Variants in SLC24A4 observed in about 807,000 individuals in gnomAD.
SLC24A4 encodes solute carrier family 24 member 4.
SLC24A4 carries 53 observed loss-of-function variants against 79.0 expected under a neutral mutation model. That is an observed-to-expected ratio of 0.67 (90% CI 0.54 to 0.84). The LOEUF (loss-of-function observed/expected upper bound fraction) is 0.84. Ranked by LOEUF, SLC24A4 falls within the 40% of genes least tolerant of loss-of-function variation. The pLI is 0.00. For missense variants in SLC24A4, 731 were observed against 822.0 expected (o/e 0.89, Z 1.35); for synonymous variants, 323 against 323.8 (o/e 1.00, Z 0.03).
intron 2 of SLC24A4, among the ~76,000 whole-genome samples, chr14:92,337,591 C>T (rs552380735): frequency 3.9e-5 from 6 of 152,360 alleles, no homozygotes; most frequent in African/African-American, 1.4e-4. Flanking sequence ...TCCAATCCTG[C>T]TCCTGCCCTT....
intron 10 of SLC24A4, among the ~76,000 whole-genome samples, chr14:92,450,013 T>A (rs1331196569): frequency 6.6e-6 from 1 of 152,240 alleles, no homozygotes; most frequent in Non-Finnish European, 1.5e-5. Context: ...GAGCGTTCAC[T>A]CTAGCCCAGA....
chr14:92,470,069 A>T (rs1031345837), intron 12 of SLC24A4, among the ~76,000 whole-genome samples: 2 of 152,212 alleles, frequency 1.3e-5, no homozygotes, highest in Non-Finnish European at 2.9e-5. Context: ...CGTTAATTAT[A>T]TCTCAATTGC....
chr14:92,352,711 T>C (rs1886961910), intron 2 of SLC24A4, among the ~76,000 whole-genome samples: 1 of 152,102 alleles, frequency 6.6e-6, no homozygotes, highest in South Asian at 2.1e-4. Context: ...CTGCCAAAAG[T>C]GAGGGTGGTG....
chr14:92,362,649 T>C (rs1291847757), intron 2 of SLC24A4, among the ~76,000 whole-genome samples: 1 of 152,170 alleles, frequency 6.6e-6, no homozygotes, highest in Non-Finnish European at 1.5e-5. Flanking sequence ...AAACAAGGGA[T>C]GTGTTTTCTG....
intron 12 of SLC24A4, among the ~76,000 whole-genome samples, chr14:92,480,384 C>A (rs1367137185): frequency 7.0e-6 from 1 of 141,926 alleles, no homozygotes; most frequent in Non-Finnish European, 1.5e-5. Flanking sequence ...AGCTCCACTT[C>A]CCGGGTTCAC....
intron 12 of SLC24A4, among the ~76,000 whole-genome samples, chr14:92,461,293 A>G (rs1893794878): frequency 6.6e-6 from 1 of 152,250 alleles, no homozygotes; most frequent in Admixed American, 6.5e-5. Flanking sequence ...ACAAACAGCT[A>G]CTGGGGACTT....
chr14:92,378,276 T>C (rs970366758), intron 2 of SLC24A4, among the ~76,000 whole-genome samples: 1 of 152,192 alleles, frequency 6.6e-6, no homozygotes, highest in African/African-American at 2.4e-5. Flanking sequence ...CTGAGGGCCA[T>C]GTGCATTATT....
At chr14:92,329,142 G>A (rs1469740598) in intron 2 of SLC24A4, among the ~76,000 whole-genome samples, 1 of 152,204 alleles carries the variant, frequency 6.6e-6, no homozygotes, top group Non-Finnish European at 1.5e-5. Flanking sequence ...ATTAGAGGGT[G>A]CCTTGTCCAG....
chr14:92,414,699 C>A (rs1890888350), intron 2 of SLC24A4, among the ~76,000 whole-genome samples: 4 of 152,310 alleles, frequency 2.6e-5, no homozygotes, highest in African/African-American at 9.6e-5. Flanking sequence ...GTGATCGCAC[C>A]ACCACACTTC....
At chr14:92,361,197 T>C (rs1158901616) in intron 2 of SLC24A4, among the ~76,000 whole-genome samples, 1 of 152,110 alleles carries the variant, frequency 6.6e-6, no homozygotes, top group African/African-American at 2.4e-5. Context: ...TCGAGGATGT[T>C]GACCGATTAT....
chr14:92,369,620 G>A (rs1888037052), intron 2 of SLC24A4, among the ~76,000 whole-genome samples: 1 of 152,208 alleles, frequency 6.6e-6, no homozygotes, highest in South Asian at 2.1e-4. Context: ...GTTGAATCAA[G>A]AATAAATTCG....
intron 16 of SLC24A4, chr14:92,492,733 A>C (rs1021460076): frequency 1.2e-5 from 5 of 405,198 alleles, no homozygotes; most frequent in African/African-American, 1.0e-4. Context: ...CTCAGGGGTT[A>C]ACTTTCCCAA....
intron 2 of SLC24A4, among the ~76,000 whole-genome samples, chr14:92,417,198 A>G (rs1360138250): frequency 6.6e-6 from 1 of 152,180 alleles, no homozygotes; most frequent in Non-Finnish European, 1.5e-5. Flanking sequence ...CATATTCTAC[A>G]TGGCCCCATA....
intron 2 of SLC24A4, among the ~76,000 whole-genome samples, chr14:92,360,705 C>G (rs1303132647): frequency 2.0e-5 from 3 of 152,168 alleles, no homozygotes; most frequent in African/African-American, 7.2e-5. Context: ...CTTAATTGCA[C>G]AAAGAAGAGA....
intron 12 of SLC24A4, among the ~76,000 whole-genome samples, chr14:92,472,511 G>A (rs12590654): frequency 0.35 from 52,836 of 151,892 alleles, 9,330 homozygotes; most frequent in East Asian, 0.48. Flanking sequence ...TTGGTTTTCC[G>A]TTCCTGAGTT....
At chr14:92,324,872 A>G (rs1047434543) in intron 1 of SLC24A4, among the ~76,000 whole-genome samples, 18 of 152,376 alleles carry the variant, frequency 1.2e-4, no homozygotes, top group Admixed American at 7.8e-4. Context: ...GTCAACATCC[A>G]GAGACCATTT....
chr14:92,405,546 G>A (rs188317744), intron 2 of SLC24A4, among the ~76,000 whole-genome samples: 97 of 152,244 alleles, frequency 6.4e-4, no homozygotes, highest in Middle Eastern at 6.8e-3. Flanking sequence ...AAGAAAAGAG[G>A]TTTAGTTGAC....
At chr14:92,388,518 T>C (rs373760793) in intron 2 of SLC24A4, among the ~76,000 whole-genome samples, 1 of 152,222 alleles carries the variant, frequency 6.6e-6, no homozygotes, top group Admixed American at 6.5e-5. Flanking sequence ...ACAGCCTCCT[T>C]GGGTCTGGAC....
chr14:92,451,139 T>G (rs1269797481), intron 10 of SLC24A4: 1 of 152,218 alleles, frequency 6.6e-6, no homozygotes, highest in Non-Finnish European at 1.5e-5. Context: ...TCAGAGGGAA[T>G]GCATTTAGAT....
Sources: allele counts gnomAD v4.1 joint callset (sites outside exome capture counted in the v4.1 genomes callset), GRCh38; gene constraint gnomAD v4.1.1; transcripts MANE v1.5; gene names NCBI Gene and HGNC (gene_info 2026-07-23, HGNC 2026-07-21).